The following BNC2 variants were observed in gnomAD, a reference collection of about 807,000 sequenced individuals.
BNC2 encodes the protein zinc finger protein basonuclin-2.
BNC2 carries 20 observed loss-of-function variants against 76.3 expected under a neutral mutation model. The ratio of observed to expected loss-of-function variants is 0.26; its 90% CI spans 0.18 to 0.38. The LOEUF is 0.38. Ranked by LOEUF, BNC2 falls within the 10% of genes least tolerant of loss-of-function variation. BNC2 has a pLI of 1.00. For missense variants in BNC2, 1,382 were observed against 1,399.8 expected (o/e 0.99, Z 0.20); for synonymous variants, 582 against 514.8 (o/e 1.13, Z -1.77).
chr9:16,649,553 C>A (rs538493668), intron 3 of BNC2, among the ~76,000 whole-genome samples: 150 of 152,182 alleles, frequency 9.9e-4, no homozygotes, highest in African/African-American at 3.4e-3. Flanking sequence ...AAAGCATATT[C>A]TGTCTTCCTT....
intron 5 of BNC2, among the ~76,000 whole-genome samples, chr9:16,462,740 A>G (rs1821612667): frequency 6.6e-6 from 1 of 152,132 alleles, no homozygotes; most frequent in South Asian, 2.1e-4. Flanking sequence ...CATTTTCTCC[A>G]TTCCTGCTTG....
intron 6 of BNC2, among the ~76,000 whole-genome samples, chr9:16,434,324 G>A (rs1302065853): frequency 2.0e-5 from 3 of 152,100 alleles, no homozygotes; most frequent in African/African-American, 7.2e-5. Flanking sequence ...CTTTTCAGTG[G>A]TACTTTTAAT....
intron 1 of BNC2, among the ~76,000 whole-genome samples, chr9:16,807,059 G>A (rs1168413918): frequency 2.0e-5 from 3 of 151,960 alleles, no homozygotes; most frequent in South Asian, 2.1e-4. Context: ...ATACTTTCTT[G>A]ACTAATATCA....
intron 5 of BNC2, among the ~76,000 whole-genome samples, chr9:16,545,028 C>T (rs77177306): frequency 1.3e-5 from 2 of 152,124 alleles, no homozygotes; most frequent in African/African-American, 4.8e-5. Context: ...AAAAGTGAAA[C>T]CAAGATTCAC....
At chr9:16,688,297 T>C (rs1323545833) in intron 3 of BNC2, among the ~76,000 whole-genome samples, 1 of 152,194 alleles carries the variant, frequency 6.6e-6, no homozygotes, top group African/African-American at 2.4e-5. Context: ...ACCTAATTAG[T>C]TGTAATTTAG....
At chr9:16,616,415 G>C (rs1820698274) in intron 3 of BNC2, among the ~76,000 whole-genome samples, 1 of 151,638 alleles carries the variant, frequency 6.6e-6, no homozygotes, top group South Asian at 2.1e-4. Context: ...AAATAAAAGA[G>C]GCCAGACATG....
intron 1 of BNC2, among the ~76,000 whole-genome samples, chr9:16,853,581 T>A (rs1819180881): frequency 6.6e-6 from 1 of 152,114 alleles, no homozygotes; most frequent in Non-Finnish European, 1.5e-5. Context: ...AATTTAAAAT[T>A]TGCAGCTGGG....
chr9:16,703,185 G>A (rs1008193024), intron 3 of BNC2, among the ~76,000 whole-genome samples: 7 of 151,966 alleles, frequency 4.6e-5, no homozygotes, highest in Non-Finnish European at 8.8e-5. Flanking sequence ...CCTTTTCACA[G>A]TTTAAAAAAA....
chr9:16,556,021 C>G (rs569218887), intron 4 of BNC2, among the ~76,000 whole-genome samples: 9 of 151,632 alleles, frequency 5.9e-5, no homozygotes, highest in African/African-American at 2.2e-4. Context: ...GTACTTAGGC[C>G]AGGTGCAGTG....
intron 5 of BNC2, chr9:16,476,198 A>G (rs911896335): frequency 1.9e-4 from 29 of 152,222 alleles, no homozygotes; most frequent in African/African-American, 6.5e-4. Context: ...TTGCAATAAT[A>G]GAGGATGATG....
At chr9:16,792,096 T>G in intron 1 of BNC2, among the ~76,000 whole-genome samples, 1 of 122,526 alleles carries the variant, frequency 8.2e-6, no homozygotes, top group Non-Finnish European at 1.9e-5. Context: ...AACAAGACCT[T>G]GACCCTCCAA....
intron 6 of BNC2, among the ~76,000 whole-genome samples, chr9:16,426,674 T>C (rs971155182): frequency 6.6e-6 from 1 of 151,998 alleles, no homozygotes; most frequent in South Asian, 2.1e-4. Context: ...ATGTCAAAAC[T>C]ACCAGCCAAA....
At chr9:16,813,632 AG>A (rs1390145633) in intron 1 of BNC2, among the ~76,000 whole-genome samples, 1 of 152,162 alleles carries the variant, frequency 6.6e-6, no homozygotes, top group Non-Finnish European at 1.5e-5. Context: ...GAATGGAAAG[AG>A]GGGATGAATA....
At chr9:16,544,527 C>T (rs1177466039) in intron 5 of BNC2, among the ~76,000 whole-genome samples, 1 of 151,960 alleles carries the variant, frequency 6.6e-6, no homozygotes, top group Non-Finnish European at 1.5e-5. Flanking sequence ...ATAGAATAAA[C>T]CATTACTTGG....
intron 4 of BNC2, among the ~76,000 whole-genome samples, chr9:16,574,222 C>T (rs2132907150): frequency 6.6e-6 from 1 of 152,158 alleles, no homozygotes; most frequent in Non-Finnish European, 1.5e-5. Flanking sequence ...ATTAAGCTTC[C>T]TGTAGGATCG....
At chr9:16,613,472 G>A (rs1256653562) in intron 3 of BNC2, among the ~76,000 whole-genome samples, 1 of 152,210 alleles carries the variant, frequency 6.6e-6, no homozygotes, top group Non-Finnish European at 1.5e-5. Context: ...GGGGACAGCA[G>A]GTTATGGAGT....
At chr9:16,676,054 G>C (rs1249855811) in intron 3 of BNC2, among the ~76,000 whole-genome samples, 1 of 152,134 alleles carries the variant, frequency 6.6e-6, no homozygotes, top group African/African-American at 2.4e-5. Context: ...GACAAAGCGA[G>C]ACTCTGTCTC....
rs950415571 is a variant in BNC2 at position 16,416,502 on chromosome 9, C to A, written c.*2487G>T. 6 of 152,524 alleles carry A rather than the reference C, an allele frequency of 3.9e-5. No individual in the cohort carries two copies. The highest frequency in any genetic ancestry group is 7.4e-5 in the Non-Finnish European group (5 of 68,004). 9.4% of individuals were successfully genotyped at this position (152,524 alleles called of 1,614,324 possible). ...AAACAAAGGAAAACATCTGTCTGTT[C>A]AATTTAACACAACACCAAAATAAAG... On this transcript the variant is annotated 3_prime_UTR_variant, in exon 7 of 7. Coordinates refer to ENST00000380672, the MANE Select transcript of BNC2 (RefSeq NM_017637.6).
At chr9:16,777,143 T>C (rs1586875085) in intron 1 of BNC2, among the ~76,000 whole-genome samples, 1 of 151,212 alleles carries the variant, frequency 6.6e-6, no homozygotes, top group Non-Finnish European at 1.5e-5. Context: ...AATAATTAAT[T>C]AATAAATTAA....
Sources: allele counts gnomAD v4.1 joint callset (sites outside exome capture counted in the v4.1 genomes callset), GRCh38; gene constraint gnomAD v4.1.1; transcripts MANE v1.5; gene names NCBI Gene and HGNC (gene_info 2026-07-23, HGNC 2026-07-21).